Variants in ZNF536 observed in about 807,000 individuals in gnomAD.
ZNF536 encodes zinc finger protein 536.
Under a neutral mutation model 84.5 loss-of-function variants are expected in ZNF536, and 13 were observed. The ratio of observed to expected loss-of-function variants is 0.15; its 90% confidence interval spans 0.10 to 0.24. ZNF536 has a LOEUF of 0.24. Ranked by LOEUF, ZNF536 falls within the 10% of genes least tolerant of loss-of-function variation. ZNF536 has a pLI of 1.00. For missense variants in ZNF536, 1,536 were observed against 1,747.5 expected, an observed-to-expected ratio of 0.88 and a Z score of 2.16; for synonymous variants, 811 against 742.5, an observed-to-expected ratio of 1.09 and a Z score of -1.50.
chr19:30,548,899 G>C lies in ZNF536; in HGVS notation c.3280G>C (p.Gly1094Arg), dbSNP rs769206317. 6 of 1,614,014 alleles carry C rather than the reference G, an allele frequency of 3.7e-6. No individual in the cohort carries two copies. The highest frequency in any genetic ancestry group is 5.1e-6 in the Non-Finnish European group (6 of 1,180,044). ...GGAGACTCTGGGAGAGCAGAAGAGC[G>C]GTGCATGGACCGGCCACGTGGACCC... ...LKETLGEQKS[G>R]AWTGHVDPAF... is the part of the protein sequence containing the mutation. The change falls in exon 4 of 5, where the codon GGT (glycine) becomes CGT (arginine). Residue 1094 changes from glycine to arginine, a missense_variant. By Grantham distance (125) the Gly-to-Arg change is moderately radical. Transcript: ENST00000355537.
chr19:30,294,269 A>C (rs1374755195), intron 2 of ZNF536, among the ~76,000 whole-genome samples: 1 of 152,150 alleles, frequency 6.6e-6, no homozygotes, highest in Non-Finnish European at 1.5e-5. Flanking sequence ...GAAGGGGTGC[A>C]TGTGTTGAAT....
rs1457289736 is a variant in ZNF536, at chr19:30,639,395, C to A, written c.170-71362C>A. On this transcript the variant is annotated intron_variant, in intron 1 of 1. Coordinates refer to the ZNF536 transcript ENST00000592773. Reference sequence around the variant, plus strand: ...AGTATTAATGGGACATTTTACGTGTCTTTTTTGTACTAAGTCTTGGAAATC... The same window carrying A: ...AGTATTAATGGGACATTTTACGTGTATTTTTTGTACTAAGTCTTGGAAATC... 2.0e-5 allele frequency among the ~76,000 whole-genome samples: 3 copies of A among 152,140 alleles called. No homozygotes were observed. In the South Asian group the frequency reaches 6.2e-4, roughly 32 times the overall value.
intron 3 of ZNF536, among the ~76,000 whole-genome samples, chr19:30,356,144 G>C (rs2048088497): frequency 1.3e-5 from 2 of 152,218 alleles, no homozygotes; most frequent in Non-Finnish European, 2.9e-5. Context: ...TTTCCAGAGA[G>C]CTCTTTGCAA....
exon 2 of ZNF536, chr19:30,711,530 A>G (rs912845735): frequency 3.3e-5 from 5 of 152,186 alleles, no homozygotes; most frequent in Admixed American, 6.5e-5. Context: ...GAGAAAATCA[A>G]TTCACGTGGT....
At chr19:30,298,056 T>C (rs1240547216) in intron 2 of ZNF536, among the ~76,000 whole-genome samples, 1 of 152,032 alleles carries the variant, frequency 6.6e-6, no homozygotes, top group Non-Finnish European at 1.5e-5. Flanking sequence ...ATTTTTGCAT[T>C]TTTGGTAGAG....
chr19:30,697,324 C>T lies in ZNF536; in HGVS notation c.170-13433C>T, dbSNP rs562256316. Among the ~76,000 whole-genome samples, 3 of 152,296 alleles carry T rather than the reference C, an allele frequency of 2.0e-5. No homozygotes were observed. In the South Asian group the frequency reaches 6.2e-4, roughly 32 times the overall value. ...GGGACACAGAGCCAAACCATATCAT[C>T]CAACAAATGGGAGCCCAACCCCTGA... On this transcript the variant is annotated intron_variant, in intron 1 of 1. Coordinates refer to the ZNF536 transcript ENST00000592773.
At chr19:30,259,875 C>T (rs1176746717) in intron 1 of ZNF536, among the ~76,000 whole-genome samples, 2 of 151,902 alleles carry the variant, frequency 1.3e-5, no homozygotes, top group Non-Finnish European at 2.9e-5. Flanking sequence ...CCTCAGGCTC[C>T]TCTATATCTG....
chr19:30,712,396 T>C (rs1196226453), exon 2 of ZNF536: 3 of 151,646 alleles, frequency 2.0e-5, no homozygotes, highest in South Asian at 2.1e-4. Flanking sequence ...TATGAAAGTA[T>C]TAACTTCTTC....
intron 1 of ZNF536, among the ~76,000 whole-genome samples, chr19:30,389,221 C>T (rs140013434): frequency 9.2e-4 from 140 of 152,288 alleles, no homozygotes; most frequent in African/African-American, 3.2e-3. Context: ...TTCTGGTTTG[C>T]GCAGCTTTTC....
At chr19:30,242,597 A>T (rs1282087307) in intron 1 of ZNF536, among the ~76,000 whole-genome samples, 2 of 152,092 alleles carry the variant, frequency 1.3e-5, no homozygotes, top group East Asian at 1.9e-4. Context: ...CCCCAAGGGG[A>T]TTTGTACTTT....
intron 1 of ZNF536, among the ~76,000 whole-genome samples, chr19:30,416,404 G>A (rs1036184699): frequency 2.0e-5 from 3 of 151,566 alleles, no homozygotes; most frequent in Admixed American, 6.6e-5. Flanking sequence ...GAGGAGTAGT[G>A]GCTTAGTATT....
At chr19:30,271,299 CTTTTTTTTT>C (rs781528411) in intron 1 of ZNF536, among the ~76,000 whole-genome samples, 15 of 111,842 alleles carry the variant, frequency 1.3e-4, no homozygotes, top group Admixed American at 4.2e-4. Flanking sequence ...TTTTTCTTTT[CTTTTTTTTT>C]TTTTTTTTTT....
chr19:30,285,603 A>C (rs1013177861), intron 2 of ZNF536, among the ~76,000 whole-genome samples: 3 of 152,144 alleles, frequency 2.0e-5, no homozygotes, highest in Non-Finnish European at 2.9e-5. Flanking sequence ...GAGCCAGTGG[A>C]AGTGGCTTTA....
intron 1 of ZNF536, among the ~76,000 whole-genome samples, 170 bp downstream of exon 1, chr19:30,372,726 GAATAAAAAATTATAGCCCTTTA>G (rs2048655691): frequency 6.6e-6 from 1 of 151,912 alleles, no homozygotes; most frequent in Admixed American, 6.6e-5. Flanking sequence ...AATAATTTTT[GAATAAAAAATTATAGCCCTTTA>G]AATTTATTAT....
At chr19:30,312,147 C>T (rs17532968) in intron 2 of ZNF536, among the ~76,000 whole-genome samples, 44,718 of 152,120 alleles carry the variant, frequency 0.29, 8,500 homozygotes, top group Non-Finnish European at 0.42. Context: ...CGGTTTTGGA[C>T]ACCTGGGTAC....
intron 1 of ZNF536, among the ~76,000 whole-genome samples, chr19:30,632,160 G>A (rs8113188): frequency 0.46 from 69,523 of 152,076 alleles, 16,414 homozygotes; most frequent in Admixed American, 0.55. Flanking sequence ...AGTCTCTTTG[G>A]GTTTGGGTTT....
chr19:30,286,397 T>G (rs1305389164), intron 2 of ZNF536, among the ~76,000 whole-genome samples: 1 of 152,104 alleles, frequency 6.6e-6, no homozygotes, highest in African/African-American at 2.4e-5. Flanking sequence ...GGTTTTGCCC[T>G]TGGTACCATT....
At chr19:30,300,734 A>C (rs781694955) in intron 2 of ZNF536, 7 of 152,212 alleles carry the variant, frequency 4.6e-5, no homozygotes, top group Non-Finnish European at 7.3e-5. Flanking sequence ...AGAGCAGCTC[A>C]CAAAAGAGGC....
At chr19:30,542,592 T>C (rs2045374939) in intron 3 of ZNF536, among the ~76,000 whole-genome samples, 1 of 152,152 alleles carries the variant, frequency 6.6e-6, no homozygotes, top group Non-Finnish European at 1.5e-5. Context: ...ATCTTACTCC[T>C]TAAAATATAG....
Sources: allele counts gnomAD v4.1 joint callset (sites outside exome capture counted in the v4.1 genomes callset), GRCh38; gene constraint gnomAD v4.1.1; transcripts MANE v1.5; gene names NCBI Gene and HGNC (gene_info 2026-07-23, HGNC 2026-07-21).